CCNH: variants seen among roughly 807,000 people sequenced by gnomAD.
CCNH encodes the protein cyclin H, also known as cyclin-H.
CCNH carries 31 observed loss-of-function variants against 41.9 expected under a neutral mutation model. That is an observed-to-expected ratio of 0.74 (90% CI 0.56 to 1.00). The LOEUF (loss-of-function observed/expected upper bound fraction) is 1.00. Ranked by LOEUF, CCNH falls within the 50% of genes least tolerant of loss-of-function variation. The pLI is 0.00. For synonymous variants in CCNH, 138 were observed against 136.1 expected (o/e 1.01, Z -0.10); for missense variants, 362 against 388.4 (o/e 0.93, Z 0.57).
At chr5:87,406,702 TC>T (rs1763816275) in intron 4 of CCNH, among the ~76,000 whole-genome samples, 1 of 152,048 alleles carries the variant, frequency 6.6e-6, no homozygotes, top group Admixed American at 6.5e-5. Context: ...GGGATACTCA[TC>T]CTGTATCTCT....
chr5:87,385,524 G>A, intron 9 of CCNH: 1 of 702,214 alleles, frequency 1.4e-6, no homozygotes, highest in Admixed American at 2.4e-5. Flanking sequence ...TGGTATGTTT[G>A]TTTTTAAAGT....
intron 9 of CCNH, among the ~76,000 whole-genome samples, chr5:87,338,422 C>T (rs1173861754): frequency 1.3e-5 from 2 of 148,230 alleles, no homozygotes; most frequent in Non-Finnish European, 1.5e-5. Context: ...ACCTCCACCT[C>T]CCAGGTTCAA....
At chr5:87,349,986 C>T (rs2112423298) in intron 9 of CCNH, among the ~76,000 whole-genome samples, 1 of 151,880 alleles carries the variant, frequency 6.6e-6, no homozygotes, top group South Asian at 2.1e-4. Context: ...AAAGGTTTTC[C>T]TATAACTAAT....
chr5:87,405,890 G>A lies in CCNH; in HGVS notation c.526-883C>T, dbSNP rs377480301. Among the ~76,000 whole-genome samples, 10 of 152,102 alleles carry A rather than the reference G, an allele frequency of 6.6e-5. No individual in the cohort carries two copies. In the South Asian group the frequency reaches 1.0e-3, roughly 16 times the overall value. On this transcript the variant is annotated intron_variant, in intron 4 of 8. Transcript: ENST00000256897. ...GCTTTGCAACTATACCAAGATTTCT[G>A]AGGGCTGCCAGAGAAAACCATACAA...
intron 4 of CCNH, among the ~76,000 whole-genome samples, 163 bp downstream of exon 4, chr5:87,407,813 C>T (rs1432323095): frequency 2.0e-5 from 3 of 152,056 alleles, no homozygotes; most frequent in East Asian, 3.9e-4. Flanking sequence ...CTGATGATGC[C>T]CACTGAAGTT....
intron 9 of CCNH, among the ~76,000 whole-genome samples, chr5:87,343,085 C>G (rs1758596867): frequency 4.6e-5 from 7 of 152,060 alleles, no homozygotes; most frequent in Admixed American, 2.6e-4. Context: ...CTTTAATTTC[C>G]TAATATAGGG....
chr5:87,340,029 G>A (rs1378928100), intron 9 of CCNH, among the ~76,000 whole-genome samples: 1 of 152,072 alleles, frequency 6.6e-6, no homozygotes, highest in Non-Finnish European at 1.5e-5. Flanking sequence ...CTCTCTGAGG[G>A]GAGGGATTTT....
chr5:87,359,367 G>A (rs1244135083), intron 9 of CCNH, among the ~76,000 whole-genome samples: 2 of 152,128 alleles, frequency 1.3e-5, no homozygotes, highest in Admixed American at 6.6e-5. Flanking sequence ...AAAGGAACAC[G>A]TAGAGAAGCC....
downstream of CCNH, among the ~76,000 whole-genome samples, chr5:87,373,134 C>G (rs1232680926): frequency 1.3e-5 from 2 of 152,150 alleles, no homozygotes; most frequent in African/African-American, 4.8e-5. Context: ...TCATAGCTAA[C>G]ATCTCTCAAG....
rs1757687318 is a variant in CCNH at position 87,332,713 on chromosome 5, C to T, written c.*91-13816G>A. ...TACAATAATGGTTTTAGCTATTGCT[C>T]AGTTTCTTATGTTTATTATAATTCA... On this transcript the variant is annotated intron_variant and NMD_transcript_variant, in intron 9 of 9. Coordinates refer to the CCNH transcript ENST00000645953. The T allele has an allele frequency of 6.4e-6, 9 of 1,405,978 alleles. No individual in the cohort carries two copies. The East Asian group carries it at 9.4e-5, about 15-fold the overall frequency. The allele number at this position is 1,405,978 out of a possible 1,614,324, so 87.1% of individuals were successfully genotyped here.
In CCNH at chr5:87,408,062, C is replaced by T; in HGVS notation, c.439G>A (p.Glu147Lys). The change falls in exon 4 of 9, where the codon GAA becomes AAA. Residue 147 changes from glutamate to lysine, a missense_variant. Transcript: ENST00000256897. ...TTAAGTTGCTGTATAAGAAGTAGTT[C>T]ATATTCCAGTATCTGTTCAAGTGCC... Reference protein sequence around the residue: ...EKALEQILEYELLLIQQLNFH... With the variant: ...EKALEQILEYKLLLIQQLNFH... 6.2e-7 allele frequency: 1 copy of T among 1,613,532 alleles called. No homozygotes were observed. The highest frequency in any genetic ancestry group is 8.5e-7 in the Non-Finnish European group (1 of 1,179,520).
chr5:87,391,069 T>C (rs1051488882), downstream of CCNH: 8 of 683,162 alleles, frequency 1.2e-5, no homozygotes, highest in Non-Finnish European at 2.1e-5. Context: ...TTGTAAGCTA[T>C]CTGTGCAGGA....
downstream of CCNH, among the ~76,000 whole-genome samples, chr5:87,393,148 T>TAAGTA (rs1554051547): frequency 6.6e-6 from 1 of 151,986 alleles, no homozygotes; most frequent in Non-Finnish European, 1.5e-5. Flanking sequence ...ATGCATATAG[T>TAAGTA]AAGTATTGCC....
In CCNH at chr5:87,395,075, T is replaced by A; in HGVS notation, c.902A>T (p.Asp301Val). The A allele has an allele frequency of 6.2e-7, 1 of 1,611,712 alleles. No homozygotes were observed. ...TKKRKGYEDD[D>V]YVSKKSKHEE... is the part of the protein sequence containing the mutation. ...ATGTTTGGATTTCTTTGAGACGTAA[T>A]CATCATCTTCATAGCCTTTCCTCTT... The change falls in exon 8 of 9, where the codon GAT becomes GTT. Residue 301 changes from aspartate (D) to valine (V), a missense_variant. Physicochemically the swap from Asp to Val is radical, Grantham distance 152. Coordinates refer to ENST00000256897, the MANE Select transcript of CCNH (RefSeq NM_001239.4).
rs1452421405 is a variant in CCNH, at chr5:87,394,718, T to TTTGAC, written c.934-239_934-235dup. 43 of 1,337,348 alleles carry TTTGAC rather than the reference T, an allele frequency of 3.2e-5. No homozygotes were observed. In the South Asian group the frequency reaches 5.1e-4, roughly 16 times the overall value. The allele number at this position is 1,337,348 out of a possible 1,614,324, so 82.8% of individuals were successfully genotyped here. A position where few individuals can be genotyped will look rare whatever the true frequency, so the allele number is the denominator to read the frequency against. On this transcript the variant is annotated intron_variant, in intron 8 of 8. Coordinates refer to ENST00000256897, the MANE Select transcript of CCNH (RefSeq NM_001239.4). ...CCTTTTGCCTCTGATTATTCACTTATTTGACTTGACAGATAGAAAATTTTT... is the reference window on the plus strand; with the variant it reads ...CCTTTTGCCTCTGATTATTCACTTATTTGACTTGACTTGACAGATAGAAAATTTTT...
At chr5:87,408,252 T>G (rs1224538054) in intron 3 of CCNH, 66 bp from the exon 4 acceptor site, 1 of 727,024 alleles carries the variant, frequency 1.4e-6, no homozygotes, top group South Asian at 2.2e-5. Flanking sequence ...GCATATACTT[T>G]GAGAAGTATC....
rs1016632392 is a variant in CCNH, at chr5:87,361,870, C to T, written c.*90+30900G>A. ...ATTTTTTTTTAAGAAATATGTACAT[C>T]CTACAATAAATATGGCAATTTACCT... is the stretch of plus-strand genomic sequence containing the variant. On this transcript the variant is annotated intron_variant and NMD_transcript_variant, in intron 9 of 9. Coordinates refer to the CCNH transcript ENST00000645953. Among the ~76,000 whole-genome samples, 6 of 151,672 alleles carry T rather than the reference C, an allele frequency of 4.0e-5. No individual in the cohort carries two copies. The East Asian group carries it at 1.2e-3, about 29-fold the overall frequency.
intron 6 of CCNH, 94 bp downstream of exon 6, chr5:87,401,608 A>C (rs1295570783): frequency 1.7e-5 from 13 of 768,828 alleles, no homozygotes; most frequent in Non-Finnish European, 2.7e-5. Context: ...CTAAACAAAA[A>C]TCTGTTATAT....
At chr5:87,332,860 G>T (rs901220039) in intron 9 of CCNH, among the ~76,000 whole-genome samples, 2 of 151,876 alleles carry the variant, frequency 1.3e-5, no homozygotes, top group Admixed American at 6.6e-5. Context: ...CAGATTAAAA[G>T]AAAATACTGT....
Sources: gnomAD v4.1 joint callset for allele counts (sites outside exome capture counted in the v4.1 genomes callset) on GRCh38, gnomAD v4.1.1 for gene constraint, MANE v1.5 for transcripts, NCBI Gene and HGNC (gene_info 2026-07-23, HGNC 2026-07-21) for gene names.